NRL: variants seen among roughly 807,000 people sequenced by gnomAD.
NRL encodes the protein neural retina-specific leucine zipper protein.
A neutral mutation model predicts 12.5 loss-of-function variants in NRL; 16 were observed. The observed-to-expected ratio is 1.28, with a 90% confidence interval of 0.87 to 1.95. NRL has a LOEUF of 1.95. Ranked by LOEUF, NRL falls within the 30% of genes most tolerant of loss-of-function variation. NRL has a pLI of 0.00. For synonymous variants in NRL, 142 were observed against 150.9 expected, an observed-to-expected ratio of 0.94 and a Z score of 0.43; for missense variants, 314 against 325.8, an observed-to-expected ratio of 0.96 and a Z score of 0.28.
intron 1 of NRL, chr14:24,103,072 G>C: frequency 8.1e-7 from 1 of 1,242,232 alleles, no homozygotes; most frequent in South Asian, 1.2e-5. Flanking sequence ...GGTCTTAGGA[G>C]AGAGAGTACC....
chr14:24,101,560 T>C (rs984215504), intron 1 of NRL, among the ~76,000 whole-genome samples: 4 of 152,234 alleles, frequency 2.6e-5, no homozygotes, highest in African/African-American at 4.8e-5. Flanking sequence ...CTATCTCTAT[T>C]TTTCCAGCCC....
At position 24,079,187 on chromosome 14, in the gene NRL, TA is replaced by T. The variant is rs1358035065; in HGVS notation, c.*2048del. Among the ~76,000 whole-genome samples the T allele has an allele frequency of 6.6e-6, 1 of 152,168 alleles. No individual in the cohort carries two copies. Among genetic ancestry groups the T allele is most frequent in the Non-Finnish European group, 1.5e-5 (1 of 68,030 alleles). On this transcript the variant is annotated 3_prime_UTR_variant, in exon 3 of 3. Coordinates refer to ENST00000561028, the MANE Select transcript of NRL (RefSeq NM_001354768.3). Reference sequence around the variant, plus strand: ...TTTGAGACCCAGGTATGGTACTGTATATGTGGCCTAGTTGTGTGCTCAGGTG... The same window carrying T: ...TTTGAGACCCAGGTATGGTACTGTATTGTGGCCTAGTTGTGTGCTCAGGTG...
Position 24,114,814 on chromosome 14 carries a change from G to A in NRL, c.-120C>T, listed in dbSNP as rs2037501493. 2 of 985,940 alleles carry A rather than the reference G, an allele frequency of 2.0e-6. No individual in the cohort carries two copies. The highest frequency in any genetic ancestry group is 1.2e-4 in the Admixed American group (2 of 16,296). The allele number at this position is 985,940 out of a possible 1,614,324, so 61.1% of individuals were successfully genotyped here. Reference sequence around the variant, plus strand: ...CAGCCCGCCGGCCAGGAAGCCGCGAGATGCGTGACGAGCGAAGCGCGTGAC... The same window carrying A: ...CAGCCCGCCGGCCAGGAAGCCGCGAAATGCGTGACGAGCGAAGCGCGTGAC... On this transcript the variant is annotated 5_prime_UTR_variant, in exon 1 of 3. Coordinates refer to ENST00000561028, the MANE Select transcript of NRL (RefSeq NM_001354768.3).
chr14:24,104,043 A>G, intron 1 of NRL: 1 of 946,626 alleles, frequency 1.1e-6, no homozygotes, highest in Non-Finnish European at 1.7e-6. Flanking sequence ...AATATGAGCA[A>G]TTTGATATTA....
At position 24,081,841 on chromosome 14, in the gene NRL, C is replaced by T. The variant is rs1325029137; in HGVS notation, c.382-273G>A. 5.0e-6 allele frequency: 7 copies of T among 1,405,226 alleles called. No homozygotes were observed. Among genetic ancestry groups the T allele is most frequent in the Non-Finnish European group, 6.5e-6 (7 of 1,080,522 alleles). The allele number at this position is 1,405,226 out of a possible 1,614,324, so 87.0% of individuals were successfully genotyped here. A position where few individuals can be genotyped will look rare whatever the true frequency, so the allele number is the denominator to read the frequency against. On this transcript the variant is annotated intron_variant, in intron 2 of 2. Transcript: ENST00000561028. The surrounding 1 kb of genome is among the most constrained non-coding windows in gnomAD (Gnocchi z 4.4). ...CAGGCGAGCCCGTCGCGCACCTAAA[C>T]CCCGGGCTCGTCTCTGGGATCCCCG...
intron 1 of NRL, among the ~76,000 whole-genome samples, chr14:24,097,433 G>A (rs1002798897): frequency 4.0e-5 from 6 of 151,132 alleles, no homozygotes; most frequent in Non-Finnish European, 5.9e-5. Flanking sequence ...GCATGGCAGC[G>A]CATGCCTGTA....
intron 1 of NRL, among the ~76,000 whole-genome samples, 193 bp from the exon 2 acceptor site, chr14:24,083,068 CAG>C (rs765347132): frequency 3.9e-5 from 6 of 152,232 alleles, no homozygotes; most frequent in Non-Finnish European, 5.9e-5. Context: ...GGGCTCCTGA[CAG>C]GGGACAAGCA....
In NRL at chr14:24,082,572, C is replaced by T. The variant is rs1395326246; in HGVS notation, c.277G>A (p.Glu93Lys). Residue 93 changes from glutamate to lysine, a missense_variant, in exon 2 of 3, where the codon GAA becomes AAA. Transcript: ENST00000561028. The part of the protein sequence containing the change: ...GAGEALGLSP[E>K]EAMELLQGQG... ...CCCTGCAGCAGCTCCATGGCCTCTTCAGGACTCAGCCCCAATGCCTCCCCA... is the reference window on the plus strand; with the variant it reads ...CCCTGCAGCAGCTCCATGGCCTCTTTAGGACTCAGCCCCAATGCCTCCCCA... 1.2e-6 allele frequency: 2 copies of T among 1,613,744 alleles called. No individual in the cohort carries two copies. Among genetic ancestry groups the T allele is most frequent in the East Asian group, 2.2e-5 (1 of 44,874 alleles).
At chr14:24,103,519 T>C (rs1369788998) in intron 1 of NRL, 2 of 1,547,626 alleles carry the variant, frequency 1.3e-6, no homozygotes, top group Admixed American at 1.9e-5. Context: ...GGGAAGATCA[T>C]CATGCACGAC....
chr14:24,081,336 A>G lies in NRL; in HGVS notation c.614T>C (p.Val205Ala). 1 of 1,471,882 alleles carries G rather than the reference A, an allele frequency of 6.8e-7. No homozygotes were observed. Among genetic ancestry groups the G allele is most frequent in the Non-Finnish European group, 9.0e-7 (1 of 1,109,890 alleles). 91.2% of individuals were successfully genotyped at this position (1,471,882 alleles called of 1,614,324 possible). A position where few individuals can be genotyped will look rare whatever the true frequency, so the allele number is the denominator to read the frequency against. ...ATCGCGCTCCCGGGCCAGGCGGGCC[A>G]CCTCGGCCCGCAGCGCGTCCAGCTG... ...AAQLDALRAE[V>A]ARLARERDLY... The change falls in exon 3 of 3, where the codon GTG becomes GCG. Residue 205 changes from valine (V) to alanine (A), a missense_variant. Transcript: ENST00000561028. The surrounding 1 kb of genome is among the most constrained non-coding windows in gnomAD (Gnocchi z 4.4).
intron 1 of NRL, among the ~76,000 whole-genome samples, chr14:24,097,886 G>T (rs1002765949): frequency 7.2e-5 from 11 of 151,782 alleles, no homozygotes; most frequent in African/African-American, 2.4e-4. Flanking sequence ...GAGCCACTGC[G>T]CCCAGCCTAG....
Position 24,081,693 on chromosome 14 carries a change from C to T in NRL, c.382-125G>A. 1.3e-6 allele frequency: 2 copies of T among 1,523,662 alleles called. No homozygotes were observed. The highest frequency in any genetic ancestry group is 1.8e-6 in the Non-Finnish European group (2 of 1,136,766). The allele number at this position is 1,523,662 out of a possible 1,614,324, so 94.4% of individuals were successfully genotyped here. A position where few individuals can be genotyped will look rare whatever the true frequency, so the allele number is the denominator to read the frequency against. ...CCCGGCTCCCACCTTCACCGGAAGG[C>T]TCGCCCTTCCACGCAGTCTGTTTCG... On this transcript the variant is annotated intron_variant, in intron 2 of 2. Coordinates refer to ENST00000561028, the MANE Select transcript of NRL (RefSeq NM_001354768.3). This position sits in a 1 kb window ranked among gnomAD's most constrained non-coding sequence, Gnocchi z 4.4.
intron 1 of NRL, chr14:24,098,771 T>C (rs1459728792): frequency 9.1e-6 from 10 of 1,093,006 alleles, no homozygotes; most frequent in Non-Finnish European, 1.2e-5. Context: ...CCTAAGAACC[T>C]GTCCTCTCTG....
rs918172434 is a variant in NRL at position 24,098,748 on chromosome 14, C to T, written c.-27-15873G>A. On this transcript the variant is annotated intron_variant, in intron 1 of 2. Transcript: ENST00000561028. ...TACTCAGAGGAAATCCCAAATCCTA[C>T]CTCTCCACAGACCCTAAGAACCTGT... The T allele has an allele frequency of 8.8e-5, 116 of 1,324,238 alleles. 1 individual carries two copies. Among genetic ancestry groups the T allele is most frequent in the Non-Finnish European group, 1.2e-4 (112 of 936,116 alleles). 82.0% of individuals were successfully genotyped at this position (1,324,238 alleles called of 1,614,324 possible).
intron 1 of NRL, chr14:24,099,828 C>A: frequency 6.7e-7 from 1 of 1,503,590 alleles, no homozygotes; most frequent in Non-Finnish European, 9.3e-7. Flanking sequence ...TCCTGAACAC[C>A]CAACCCTGCT....
intron 1 of NRL, among the ~76,000 whole-genome samples, chr14:24,090,281 G>GGGC (rs2036584073): frequency 1.2e-4 from 2 of 16,180 alleles, no homozygotes; most frequent in African/African-American, 2.1e-4. Context: ...GGGGGGGGGG[G>GGGC]CACGGGGGGG....
intron 1 of NRL, among the ~76,000 whole-genome samples, chr14:24,089,569 G>A (rs952153160): frequency 3.3e-5 from 5 of 152,158 alleles, no homozygotes; most frequent in Non-Finnish European, 2.9e-5. Flanking sequence ...TTAAACACAA[G>A]GTTTGAGGGC....
chr14:24,093,175 G>A (rs1339598195), intron 1 of NRL: 1 of 152,310 alleles, frequency 6.6e-6, no homozygotes, highest in Non-Finnish European at 1.5e-5. Flanking sequence ...GAAAATCAGG[G>A]TGCTATTACC....
intron 1 of NRL, among the ~76,000 whole-genome samples, chr14:24,107,232 C>T (rs1204583523): frequency 6.6e-6 from 1 of 152,130 alleles, no homozygotes. Context: ...AAGTGTTAGC[C>T]TTAAAAATTA....
Sources: allele counts gnomAD v4.1 joint callset (sites outside exome capture counted in the v4.1 genomes callset), GRCh38; gene constraint gnomAD v4.1.1; non-coding constraint Gnocchi (gnomAD v3.1); transcripts MANE v1.5; gene names NCBI Gene and HGNC (gene_info 2026-07-23, HGNC 2026-07-21).